PDGFRL: variants seen among roughly 807,000 people sequenced by gnomAD.
PDGFRL encodes the protein platelet derived growth factor receptor like.
PDGFRL carries 46 observed loss-of-function variants against 37.2 expected under a neutral mutation model. The ratio of observed to expected loss-of-function variants is 1.24; its 90% CI spans 0.98 to 1.58. The LOEUF is 1.58. PDGFRL is among the 40% of genes most tolerant of loss of function. The probability of loss-of-function intolerance (pLI) is 0.00; values close to 1 mark genes in which losing one functional copy is unlikely to be tolerated. For synonymous variants in PDGFRL, 251 were observed against 184.3 expected (o/e 1.36, Z -2.93); for missense variants, 692 against 467.6 (o/e 1.48, Z -4.43).
chr8:17,577,156 G>C (rs1803601738), upstream of PDGFRL: 1 of 1,508,934 alleles, frequency 6.6e-7, no homozygotes, highest in Admixed American at 2.1e-5. Context: ...CTCCCGCTTC[G>C]GCGTCCCAGG....
intron 2 of PDGFRL, among the ~76,000 whole-genome samples, chr8:17,619,236 C>G (rs1206571056): frequency 6.6e-6 from 1 of 152,170 alleles, no homozygotes; most frequent in African/African-American, 2.4e-5. Context: ...TATTTTGGCG[C>G]CCCCATGTGC....
At chr8:17,608,255 G>C (rs1804327118) in intron 2 of PDGFRL, among the ~76,000 whole-genome samples, 1 of 152,160 alleles carries the variant, frequency 6.6e-6, no homozygotes, top group Non-Finnish European at 1.5e-5. Context: ...CTAGATCCCA[G>C]ATGAGATCTG....
chr8:17,618,892 T>C (rs1248085766), intron 2 of PDGFRL, among the ~76,000 whole-genome samples: 2 of 135,320 alleles, frequency 1.5e-5, no homozygotes, highest in Non-Finnish European at 3.3e-5. Context: ...CAGGCAAAAG[T>C]GGGGAGATTC....
intron 2 of PDGFRL, among the ~76,000 whole-genome samples, chr8:17,602,900 C>A (rs1241329547): frequency 1.3e-5 from 2 of 152,182 alleles, no homozygotes; most frequent in African/African-American, 2.4e-5. Flanking sequence ...GTCCTTTCAG[C>A]CTTTCAGGCT....
At chr8:17,618,281 C>T (rs968634739) in intron 2 of PDGFRL, among the ~76,000 whole-genome samples, 1 of 152,102 alleles carries the variant, frequency 6.6e-6, no homozygotes, top group South Asian at 2.1e-4. Flanking sequence ...GTCATGAACT[C>T]CTGAGCTCAA....
At chr8:17,624,314 C>G (rs1804691409) in intron 3 of PDGFRL, among the ~76,000 whole-genome samples, 1 of 152,176 alleles carries the variant, frequency 6.6e-6, no homozygotes, top group South Asian at 2.1e-4. Flanking sequence ...TTTTGGGGGA[C>G]TGACTGTTGT....
chr8:17,593,073 C>T (rs1298757551), intron 2 of PDGFRL, among the ~76,000 whole-genome samples: 1 of 152,010 alleles, frequency 6.6e-6, no homozygotes, highest in Non-Finnish European at 1.5e-5. Flanking sequence ...CTGACTCTAC[C>T]CTCTAGCATT....
chr8:17,634,056 T>C lies in PDGFRL; in HGVS notation c.800-18T>C. ...TACACTCGGGGTCTCACTCTGCCTG[T>C]TTCGTGCTTGCTTCCAGTTCCCAGT... On this transcript the variant is annotated intron_variant, in intron 4 of 5. Transcript: ENST00000251630. The C allele has an allele frequency of 6.2e-7, 1 of 1,613,712 alleles. No homozygotes were observed. Among genetic ancestry groups the C allele is most frequent in the Non-Finnish European group, 8.5e-7 (1 of 1,179,554 alleles).
intron 1 of PDGFRL, among the ~76,000 whole-genome samples, chr8:17,588,774 T>C (rs1406675644): frequency 1.3e-5 from 2 of 152,274 alleles, no homozygotes; most frequent in East Asian, 1.9e-4. Flanking sequence ...AGAATCAAAA[T>C]GAATGGTGAC....
Position 17,634,202 on chromosome 8 carries a change from C to A in PDGFRL, c.928C>A (p.Pro310Thr). 1.2e-6 allele frequency: 2 copies of A among 1,612,302 alleles called. No homozygotes were observed. Among genetic ancestry groups the A allele is most frequent in the Non-Finnish European group, 1.7e-6 (2 of 1,178,768 alleles). The change falls in exon 5 of 6, where the codon CCA (proline) becomes ACA (threonine). Residue 310 changes from proline to threonine, a missense_variant. Coordinates refer to ENST00000251630, the MANE Select transcript of PDGFRL (RefSeq NM_001372073.1). ...DVEVEFTWIF[P>T]GQKDERPVTI... ...GGAGGTGGAGTTCACCTGGATCTTC[C>A]CAGGGCAGAAGGTAAGTGTTGTACC... is the stretch of plus-strand genomic sequence containing the variant.
chr8:17,634,029 G>A (rs1411146401), intron 4 of PDGFRL, 45 bp from the exon 5 acceptor site: 3 of 1,603,112 alleles, frequency 1.9e-6, no homozygotes, highest in Non-Finnish European at 1.7e-6. Flanking sequence ...TGTTTTCAAG[G>A]TTACACTCGG....
chr8:17,593,331 C>G (rs892051971), intron 2 of PDGFRL, among the ~76,000 whole-genome samples: 1 of 152,098 alleles, frequency 6.6e-6, no homozygotes, highest in Admixed American at 6.5e-5. Context: ...ATGACTCACA[C>G]CTGTAATCCC....
intron 1 of PDGFRL, among the ~76,000 whole-genome samples, chr8:17,587,178 G>A (rs980634368): frequency 1.3e-5 from 2 of 152,132 alleles, no homozygotes; most frequent in African/African-American, 2.4e-5. Context: ...CTGTGGTCAG[G>A]CAGCTGGACC....
At chr8:17,633,808 C>A (rs1202624382) in intron 4 of PDGFRL, among the ~76,000 whole-genome samples, 1 of 152,138 alleles carries the variant, frequency 6.6e-6, no homozygotes, top group Admixed American at 6.5e-5. Flanking sequence ...CACTGATGGA[C>A]CTCTGAGCTT....
chr8:17,597,514 A>C (rs747811168), intron 2 of PDGFRL, among the ~76,000 whole-genome samples: 1 of 150,966 alleles, frequency 6.6e-6, no homozygotes, highest in Non-Finnish European at 1.5e-5. Context: ...GAGCTCTAGG[A>C]AGTAAAATGC....
At chr8:17,640,998 T>C (rs1182739261) in intron 5 of PDGFRL, among the ~76,000 whole-genome samples, 1 of 152,066 alleles carries the variant, frequency 6.6e-6, no homozygotes, top group Non-Finnish European at 1.5e-5. Context: ...TGGGGTTATG[T>C]TCCTCAGGGG....
intron 1 of PDGFRL, among the ~76,000 whole-genome samples, chr8:17,582,263 T>C (rs1803722711): frequency 6.6e-6 from 1 of 152,036 alleles, no homozygotes; most frequent in Non-Finnish European, 1.5e-5. Flanking sequence ...ATCAGCAAAG[T>C]GCTCAAGTAG....
At chr8:17,595,101 T>C (rs1194909092) in intron 2 of PDGFRL, among the ~76,000 whole-genome samples, 2 of 152,092 alleles carry the variant, frequency 1.3e-5, no homozygotes, top group Non-Finnish European at 2.9e-5. Flanking sequence ...TTGCCAGCAC[T>C]CAGGGCCCTA....
chr8:17,633,895 G>A (rs1229575051), intron 4 of PDGFRL, among the ~76,000 whole-genome samples, 179 bp from the exon 5 acceptor site: 1 of 152,184 alleles, frequency 6.6e-6, no homozygotes, highest in East Asian at 1.9e-4. Context: ...AAGGTCAACA[G>A]ATAAAGGTGG....
Sources: gnomAD v4.1 joint callset for allele counts (sites outside exome capture counted in the v4.1 genomes callset) on GRCh38, gnomAD v4.1.1 for gene constraint, MANE v1.5 for transcripts, NCBI Gene and HGNC (gene_info 2026-07-23, HGNC 2026-07-21) for gene names.